The following HDAC9 variants were observed in gnomAD, a reference collection of about 807,000 sequenced individuals.
HDAC9 encodes MEF-2 interacting transcription repressor (MITR) protein.
A neutral mutation model predicts 139.4 loss-of-function variants in HDAC9; 41 were observed. That is an observed-to-expected ratio of 0.29 (90% CI 0.23 to 0.38). The LOEUF is 0.38. Ranked by LOEUF, HDAC9 falls within the 10% of genes least tolerant of loss-of-function variation. The pLI is 1.00. For synonymous variants in HDAC9, 517 were observed against 476.2 expected (o/e 1.09, Z -1.12); for missense variants, 1,147 against 1,297.0 (o/e 0.88, Z 1.78).
intron 12 of HDAC9, among the ~76,000 whole-genome samples, chr7:18,685,715 G>C (rs1372297717): frequency 6.6e-6 from 1 of 151,902 alleles, no homozygotes; most frequent in Admixed American, 6.6e-5. Context: ...TCCTCCTAAG[G>C]GGGGTGGGGT....
In HDAC9 at chr7:18,615,523, A is replaced by G. The variant is rs1349794093; in HGVS notation, c.665-13827A>G. On this transcript the variant is annotated intron_variant, in intron 6 of 25. Transcript: ENST00000686413. ...ACTTTTACAGAAATATTTAAAGGAA[A>G]TAAATTATACTTTTTGTCTTTTTTC... Among the ~76,000 whole-genome samples the G allele has an allele frequency of 3.3e-5, 5 of 152,240 alleles. No homozygotes were observed. In the East Asian group the frequency reaches 9.6e-4, roughly 29 times the overall value.
chr7:18,923,794 C>T (rs1464384497), intron 22 of HDAC9, among the ~76,000 whole-genome samples: 1 of 152,092 alleles, frequency 6.6e-6, no homozygotes, highest in Non-Finnish European at 1.5e-5. Context: ...CCCACACCTC[C>T]AACTTGGAAA....
chr7:18,689,034 C>T (rs1248930876), intron 12 of HDAC9, among the ~76,000 whole-genome samples: 1 of 151,912 alleles, frequency 6.6e-6, no homozygotes, highest in Non-Finnish European at 1.5e-5. Context: ...TGTATTCTGT[C>T]ACATAAATTA....
intron 12 of HDAC9, among the ~76,000 whole-genome samples, chr7:18,722,108 C>T (rs1204925623): frequency 6.6e-6 from 1 of 152,156 alleles, no homozygotes; most frequent in African/African-American, 2.4e-5. Context: ...TGGCCTTAGA[C>T]CACACCATAT....
At chr7:18,560,946 C>T (rs551993516) in intron 2 of HDAC9, among the ~76,000 whole-genome samples, 45 of 152,268 alleles carry the variant, frequency 3.0e-4, no homozygotes, top group Non-Finnish European at 4.6e-4. Context: ...CTCCTCCTGG[C>T]ATTAGGAAAT....
intron 2 of HDAC9, among the ~76,000 whole-genome samples, chr7:18,178,327 T>C (rs1191426972): frequency 6.6e-6 from 1 of 152,216 alleles, no homozygotes; most frequent in African/African-American, 2.4e-5. Context: ...TCAGGCAATC[T>C]GCATGCCTTG....
At chr7:18,334,465 A>G (rs994653514) in intron 1 of HDAC9, among the ~76,000 whole-genome samples, 4 of 151,456 alleles carry the variant, frequency 2.6e-5, no homozygotes, top group African/African-American at 4.8e-5. Flanking sequence ...CTTATTATGT[A>G]AGAAAATGTA....
At chr7:18,653,532 A>G (rs1165657877) in intron 11 of HDAC9, among the ~76,000 whole-genome samples, 1 of 152,142 alleles carries the variant, frequency 6.6e-6, no homozygotes, top group Non-Finnish European at 1.5e-5. Context: ...TATCTTATAT[A>G]TGCCAAGGTT....
intron 16 of HDAC9, among the ~76,000 whole-genome samples, chr7:18,785,909 G>A (rs1467149594): frequency 6.6e-6 from 1 of 151,904 alleles, no homozygotes; most frequent in South Asian, 2.1e-4. Context: ...GTTACTATGG[G>A]CAAAAGCTTT....
At chr7:18,381,189 A>G (rs1785402026) in intron 1 of HDAC9, among the ~76,000 whole-genome samples, 1 of 117,922 alleles carries the variant, frequency 8.5e-6, no homozygotes, top group African/African-American at 3.3e-5. Flanking sequence ...ACAGAGCAAG[A>G]CTCTGTCTCA....
intron 21 of HDAC9, among the ~76,000 whole-genome samples, chr7:18,868,790 T>C (rs1383342421): frequency 6.6e-6 from 1 of 152,136 alleles, no homozygotes; most frequent in Non-Finnish European, 1.5e-5. Context: ...GACTCTACTC[T>C]TCCCACCCTT....
At chr7:18,849,530 C>A (rs1159639794) in intron 21 of HDAC9, among the ~76,000 whole-genome samples, 1 of 152,096 alleles carries the variant, frequency 6.6e-6, no homozygotes, top group Non-Finnish European at 1.5e-5. Flanking sequence ...ATCTCCCACA[C>A]TTTTTTAGAT....
chr7:18,570,135 T>A (rs1554506964), intron 2 of HDAC9, among the ~76,000 whole-genome samples: 2 of 151,992 alleles, frequency 1.3e-5, no homozygotes, highest in Non-Finnish European at 2.9e-5. Context: ...TGTGAATCAG[T>A]AGATTCACAG....
chr7:18,208,006 G>A (rs528250759), intron 2 of HDAC9, among the ~76,000 whole-genome samples: 1 of 152,178 alleles, frequency 6.6e-6, no homozygotes, highest in Non-Finnish European at 1.5e-5. Flanking sequence ...GAGCCACTGT[G>A]CTCGGCCTAT....
Position 18,835,481 on chromosome 7 carries a change from A to T in HDAC9, c.2481A>T (p.Gly827=), listed in dbSNP as rs370099772. 3.7e-6 allele frequency: 6 copies of T among 1,613,262 alleles called. No individual in the cohort carries two copies. Among genetic ancestry groups the T allele is most frequent in the Non-Finnish European group, 5.1e-6 (6 of 1,179,508 alleles). Residue 827 remains glycine (G), a synonymous_variant, in exon 20 of 26, where the codon GGA becomes GGT. Transcript: ENST00000686413. ...TTTCCCTGTAGGATGTTCACCATGG[A>T]AACGGTACCCAGCAGGCCTTTTATG... ...ILIVDLDVHH[G]NGTQQAFYAD...
At chr7:18,373,395 C>T (rs34886439) in intron 1 of HDAC9, among the ~76,000 whole-genome samples, 6 of 152,054 alleles carry the variant, frequency 3.9e-5, no homozygotes, top group Non-Finnish European at 7.4e-5. Flanking sequence ...AAGTATCCTT[C>T]ATTTATTCAT....
At chr7:18,976,872 C>T (rs1784581318) in intron 25 of HDAC9, among the ~76,000 whole-genome samples, 1 of 152,122 alleles carries the variant, frequency 6.6e-6, no homozygotes, top group African/African-American at 2.4e-5. Flanking sequence ...AATCAGACTC[C>T]CTCCGTCAAT....
At chr7:18,611,008 TAG>T (rs1329763009) in intron 6 of HDAC9, among the ~76,000 whole-genome samples, 2 of 152,172 alleles carry the variant, frequency 1.3e-5, no homozygotes, top group Admixed American at 1.3e-4. Flanking sequence ...AACAACACAA[TAG>T]AGTCATGTGA....
intron 22 of HDAC9, among the ~76,000 whole-genome samples, chr7:18,921,772 T>A (rs1365178135): frequency 6.6e-6 from 1 of 152,206 alleles, no homozygotes; most frequent in Non-Finnish European, 1.5e-5. Context: ...TAAAGACACA[T>A]GTACACGTAT....
Sources: allele counts gnomAD v4.1 joint callset (sites outside exome capture counted in the v4.1 genomes callset), GRCh38; gene constraint gnomAD v4.1.1; transcripts MANE v1.5; gene names NCBI Gene and HGNC (gene_info 2026-07-23, HGNC 2026-07-21).